Variants in KALRN observed in about 807,000 individuals in gnomAD.
KALRN encodes the protein kalirin RhoGEF kinase, also known as kalirin.
A neutral mutation model predicts 353.7 loss-of-function variants in KALRN; 70 were observed. The ratio of observed to expected loss-of-function variants is 0.20; its 90% CI spans 0.16 to 0.24. The LOEUF is 0.24. Among genes scored for constraint, KALRN ranks in the 10% least tolerant of loss-of-function variants. The probability of loss-of-function intolerance (pLI) is 1.00; values close to 1 mark genes in which losing one functional copy is unlikely to be tolerated. For missense variants in KALRN, 2,791 were observed against 3,756.7 expected (o/e 0.74, Z 6.72); for synonymous variants, 1,391 against 1,434.8 (o/e 0.97, Z 0.69).
intron 25 of KALRN, among the ~76,000 whole-genome samples, chr3:124,466,800 C>G (rs1012546303): frequency 1.3e-5 from 2 of 152,084 alleles, no homozygotes; most frequent in African/African-American, 4.8e-5. Flanking sequence ...CACTTCAGCA[C>G]TCTCTCCCCT....
At chr3:124,506,567 C>A (rs949376539) in intron 33 of KALRN, among the ~76,000 whole-genome samples, 2 of 152,208 alleles carry the variant, frequency 1.3e-5, no homozygotes, top group African/African-American at 4.8e-5. Context: ...TGCATGACCG[C>A]TGCTGATCCT....
chr3:124,102,261 C>A (rs2061934801), intron 1 of KALRN, among the ~76,000 whole-genome samples: 1 of 152,028 alleles, frequency 6.6e-6, no homozygotes, highest in South Asian at 2.1e-4. Context: ...GAACACACAC[C>A]CGTTTGAAAC....
chr3:124,650,993 T>A (rs1213938435), intron 38 of KALRN, 55 bp downstream of exon 38: 2 of 1,596,258 alleles, frequency 1.3e-6, no homozygotes, highest in African/African-American at 2.7e-5. Flanking sequence ...CGGTGGACAA[T>A]GGACAAAGGT....
intron 1 of KALRN, among the ~76,000 whole-genome samples, chr3:124,223,163 A>G (rs1238292648): frequency 3.3e-5 from 5 of 151,598 alleles, no homozygotes; most frequent in Non-Finnish European, 7.4e-5. Context: ...GCCCCCTTGG[A>G]GAGCAGGATC....
At position 124,439,200 on chromosome 3, in the gene KALRN, TCACACA is replaced by T. The variant is rs376221553; in HGVS notation, c.3198+195_3198+200del. 9.0e-3 allele frequency among the ~76,000 whole-genome samples: 887 copies of T among 98,954 alleles called. 16 individuals are homozygous for T. Among genetic ancestry groups the T allele is most frequent in the Middle Eastern group, 0.039 (7 of 180 alleles). 64.9% of individuals were successfully genotyped at this position (98,954 alleles called of 152,430 possible). A position where few individuals can be genotyped will look rare whatever the true frequency, so the allele number is the denominator to read the frequency against. ...TCCTTCTTCTCCTTCTCTCTCTCTC[TCACACA>T]CACACACACACACACACACACACAC... On this transcript the variant is annotated intron_variant, in intron 18 of 59. Transcript: ENST00000682506.
intron 1 of KALRN, among the ~76,000 whole-genome samples, chr3:124,223,157 C>T (rs561349715): frequency 8.6e-5 from 13 of 151,810 alleles, no homozygotes; most frequent in Non-Finnish European, 1.5e-4. Flanking sequence ...TTGGAAGCCC[C>T]CTTGGAGAGC....
At chr3:124,070,100 A>G (rs1283714934) in intron 1 of KALRN, among the ~76,000 whole-genome samples, 1 of 152,220 alleles carries the variant, frequency 6.6e-6, no homozygotes, top group Non-Finnish European at 1.5e-5. Context: ...GGTAGGAAAA[A>G]TGAGACGAAG....
chr3:124,194,555 G>A (rs878905242), intron 1 of KALRN, among the ~76,000 whole-genome samples: 1 of 152,334 alleles, frequency 6.6e-6, no homozygotes, highest in Admixed American at 6.5e-5. Context: ...ATTCCCCCAG[G>A]TGAGGATGGA....
intron 33 of KALRN, among the ~76,000 whole-genome samples, chr3:124,536,753 TAA>T (rs2068555356): frequency 6.6e-6 from 1 of 152,204 alleles, no homozygotes; most frequent in South Asian, 2.1e-4. Flanking sequence ...GATCAATTTT[TAA>T]AGAGTTATGA....
intron 13 of KALRN, chr3:124,407,660 A>C (rs1027526437): frequency 1.3e-5 from 2 of 152,232 alleles, no homozygotes; most frequent in Non-Finnish European, 2.9e-5. Context: ...TTTAAAAAAA[A>C]TTACTAAACT....
intron 14 of KALRN, among the ~76,000 whole-genome samples, chr3:124,415,099 G>A (rs117659064): frequency 0.012 from 1,834 of 152,318 alleles, 28 homozygotes; most frequent in East Asian, 0.076. Flanking sequence ...TGAGACCCAG[G>A]CCTGTTTCAC....
intron 33 of KALRN, among the ~76,000 whole-genome samples, chr3:124,546,027 A>T (rs1444481786): frequency 1.3e-5 from 2 of 152,162 alleles, no homozygotes; most frequent in African/African-American, 4.8e-5. Context: ...GCAACTAGAA[A>T]ACCTGGAGAG....
At chr3:124,622,749 A>G (rs1272944021) in intron 34 of KALRN, among the ~76,000 whole-genome samples, 1 of 152,212 alleles carries the variant, frequency 6.6e-6, no homozygotes, top group Non-Finnish European at 1.5e-5. Flanking sequence ...CCTTGGGGTC[A>G]GTAGAAACAA....
intron 1 of KALRN, among the ~76,000 whole-genome samples, chr3:124,198,468 C>G (rs528670308): frequency 2.0e-5 from 3 of 152,314 alleles, no homozygotes; most frequent in Admixed American, 2.0e-4. Flanking sequence ...TTAAAGGCTT[C>G]TGAGGTGGGA....
At chr3:124,235,495 G>A (rs1159543764) in intron 3 of KALRN, among the ~76,000 whole-genome samples, 1 of 11,774 alleles carries the variant, frequency 8.5e-5, no homozygotes, top group Non-Finnish European at 1.5e-3. Context: ...ACACGCCAAG[G>A]ACATAGTTGA....
At position 124,456,702 on chromosome 3, in the gene KALRN, G is replaced by A. The variant is rs147099139; in HGVS notation, c.3828G>A (p.Glu1276=). The change falls in exon 23 of 60, where the codon GAG becomes GAA. Residue 1276 remains glutamate, a synonymous_variant. Coordinates refer to ENST00000682506, the MANE Select transcript of KALRN (RefSeq NM_001388419.1). ...ACGCCAACCACGAAGTCAATGAAGA[G>A]AAGCGGAAGTCAGCCCGGAAGAAAG... is the stretch of plus-strand genomic sequence containing the variant. ...LRDANHEVNE[E]KRKSARKKEF... is the part of the protein sequence containing the mutation. 2 of 1,612,866 alleles carry A rather than the reference G, an allele frequency of 1.2e-6. No individual in the cohort carries two copies. Among genetic ancestry groups the A allele is most frequent in the East Asian group, 2.2e-5 (1 of 44,840 alleles).
chr3:124,287,790 TA>T (rs2076059537), intron 5 of KALRN, among the ~76,000 whole-genome samples: 3 of 15,296 alleles, frequency 2.0e-4, no homozygotes, highest in Admixed American at 6.0e-4. Context: ...TATATATATA[TA>T]TATATATATA....
rs1231477486 is a variant in KALRN, at chr3:124,541,721, A to G, written c.4936-21122A>G. Among the ~76,000 whole-genome samples the G allele has an allele frequency of 2.2e-5, 3 of 135,014 alleles. No individual in the cohort carries two copies. In the South Asian group the frequency reaches 7.2e-4, roughly 32 times the overall value. The allele number at this position is 135,014 out of a possible 152,430, so 88.6% of individuals were successfully genotyped here. On this transcript the variant is annotated intron_variant, in intron 33 of 59. Transcript: ENST00000682506. ...AACGTGGTGAAACCCCATCTCTACT[A>G]AAAAAAAAAAAAAAGCAAAAATTAG...
intron 1 of KALRN, among the ~76,000 whole-genome samples, chr3:124,074,292 TG>T (rs1432090048): frequency 6.6e-6 from 1 of 152,272 alleles, no homozygotes; most frequent in South Asian, 2.1e-4. Flanking sequence ...TCTATGAATG[TG>T]TGCCCTGAAT....
Sources: gnomAD v4.1 joint callset for allele counts (sites outside exome capture counted in the v4.1 genomes callset) on GRCh38, gnomAD v4.1.1 for gene constraint, MANE v1.5 for transcripts, NCBI Gene and HGNC (gene_info 2026-07-23, HGNC 2026-07-21) for gene names.